Variants in MAGI1 observed in about 807,000 individuals in gnomAD.
MAGI1 encodes the protein membrane-associated guanylate kinase, WW and PDZ domain-containing protein 1.
In MAGI1, 58 loss-of-function variants were observed where a neutral mutation model predicts 139.9. That is an observed-to-expected ratio of 0.41 (90% CI 0.34 to 0.52). The LOEUF is 0.52. Ranked by LOEUF, MAGI1 falls within the 20% of genes least tolerant of loss-of-function variation. The probability of loss-of-function intolerance (pLI) is 0.12; values close to 1 mark genes in which losing one functional copy is unlikely to be tolerated. For missense variants in MAGI1, 1,874 were observed against 1,901.6 expected (o/e 0.99, Z 0.27); for synonymous variants, 812 against 737.9 (o/e 1.10, Z -1.63).
At chr3:65,735,992 C>A (rs1167879875) in intron 1 of MAGI1, among the ~76,000 whole-genome samples, 1 of 152,170 alleles carries the variant, frequency 6.6e-6, no homozygotes, top group Admixed American at 6.6e-5. Context: ...AGTGCCCGAG[C>A]AGCAATCTGA....
intron 2 of MAGI1, among the ~76,000 whole-genome samples, chr3:65,584,590 A>C (rs1386044182): frequency 6.6e-6 from 1 of 152,232 alleles, no homozygotes; most frequent in African/African-American, 2.4e-5. Context: ...ATATAAAAGC[A>C]GAAGGAAGGA....
intron 3 of MAGI1, among the ~76,000 whole-genome samples, chr3:65,486,291 TGCTGAAGGAAA>T (rs1951631807): frequency 6.6e-6 from 1 of 152,200 alleles, no homozygotes; most frequent in Non-Finnish European, 1.5e-5. Context: ...TGCACTTCTA[TGCTGAAGGAAA>T]ACCTTTGCAA....
At chr3:65,367,784 G>T (rs1941577196) in intron 18 of MAGI1, among the ~76,000 whole-genome samples, 1 of 152,142 alleles carries the variant, frequency 6.6e-6, no homozygotes, top group Admixed American at 6.5e-5. Flanking sequence ...TAGGAATCAT[G>T]TGTTGGTATT....
At chr3:65,979,792 T>C (rs1022611403) in intron 1 of MAGI1, among the ~76,000 whole-genome samples, 2 of 152,198 alleles carry the variant, frequency 1.3e-5, no homozygotes, top group African/African-American at 4.8e-5. Flanking sequence ...TCGGGCTGCA[T>C]AGCTCAGATG....
chr3:65,734,126 T>C (rs1271119902), intron 1 of MAGI1, among the ~76,000 whole-genome samples: 3 of 152,160 alleles, frequency 2.0e-5, no homozygotes, highest in Non-Finnish European at 2.9e-5. Context: ...ATATAGCAGA[T>C]GAGGATGCCA....
intron 1 of MAGI1, among the ~76,000 whole-genome samples, chr3:65,932,826 C>T (rs981917977): frequency 6.6e-6 from 1 of 152,206 alleles, no homozygotes; most frequent in African/African-American, 2.4e-5. Flanking sequence ...ACTTTGCCGT[C>T]TCTAGATAAT....
rs900423525 is a variant in MAGI1, at chr3:65,600,458, G to T, written c.430+21514C>A. On this transcript the variant is annotated intron_variant, in intron 2 of 22. Transcript: ENST00000402939. ...AAAAGAGTCCATGAAAATCTACTTG[G>T]TTTTTCTCAGAGGTGTAGTATCTTG... is the stretch of plus-strand genomic sequence containing the variant. 7.2e-5 allele frequency among the ~76,000 whole-genome samples: 11 copies of T among 152,282 alleles called. 1 individual carries two copies. Among genetic ancestry groups the T allele is most frequent in the Admixed American group, 4.6e-4 (7 of 15,304 alleles).
chr3:65,363,429 T>G, intron 21 of MAGI1, 36 bp downstream of exon 21: 1 of 1,568,550 alleles, frequency 6.4e-7, no homozygotes, highest in Non-Finnish European at 8.6e-7. Context: ...GCAGATGGTT[T>G]CTTTGCACCT....
At chr3:65,360,662 T>G in intron 22 of MAGI1, 6 of 986,750 alleles carry the variant, frequency 6.1e-6, no homozygotes, top group Non-Finnish European at 7.2e-6. Context: ...TCAGATGGTC[T>G]GATTTGGGGT....
chr3:65,825,010 C>T (rs932270911), intron 1 of MAGI1, among the ~76,000 whole-genome samples: 8 of 152,208 alleles, frequency 5.3e-5, no homozygotes, highest in African/African-American at 1.9e-4. Flanking sequence ...AAATGGCTTA[C>T]GGTAAAACAC....
intron 2 of MAGI1, among the ~76,000 whole-genome samples, chr3:65,546,548 C>G (rs1476666977): frequency 2.6e-5 from 4 of 152,126 alleles, no homozygotes; most frequent in African/African-American, 9.7e-5. Context: ...TTGAAAATGC[C>G]TCATTCAATG....
At chr3:65,754,955 TA>T (rs1559850985) in intron 1 of MAGI1, among the ~76,000 whole-genome samples, 2 of 149,550 alleles carry the variant, frequency 1.3e-5, no homozygotes, top group Admixed American at 1.3e-4. Context: ...TATTATTTTT[TA>T]AATTTTTTTT....
intron 1 of MAGI1, among the ~76,000 whole-genome samples, chr3:65,918,199 A>C (rs1454433004): frequency 6.6e-6 from 1 of 152,224 alleles, no homozygotes; most frequent in Non-Finnish European, 1.5e-5. Context: ...AGAATCAGTA[A>C]ACATGAATTC....
intron 2 of MAGI1, among the ~76,000 whole-genome samples, chr3:65,584,590 AGAAG>A (rs1168177520): frequency 1.3e-5 from 2 of 152,232 alleles, no homozygotes; most frequent in Non-Finnish European, 2.9e-5. Flanking sequence ...ATATAAAAGC[AGAAG>A]GAAGGAAGCA....
intron 1 of MAGI1, among the ~76,000 whole-genome samples, chr3:65,665,617 A>C (rs566027994): frequency 6.6e-6 from 1 of 152,308 alleles, no homozygotes; most frequent in Non-Finnish European, 1.5e-5. Flanking sequence ...CAGGAACCTA[A>C]TCCTGTATTT....
At chr3:65,448,164 ACT>A in intron 6 of MAGI1, 107 bp from the exon 7 acceptor site, 2 of 964,668 alleles carry the variant, frequency 2.1e-6, no homozygotes, top group Non-Finnish European at 3.4e-6. Flanking sequence ...CAAACACATC[ACT>A]CTAGTTCATC....
intron 22 of MAGI1, chr3:65,360,401 A>G (rs1362994947): frequency 1.0e-6 from 1 of 968,448 alleles, no homozygotes; most frequent in Non-Finnish European, 1.2e-6. Flanking sequence ...TAAATAGGAC[A>G]TAATTATTAT....
chr3:65,984,351 G>A (rs931230355), intron 1 of MAGI1, among the ~76,000 whole-genome samples: 3 of 151,920 alleles, frequency 2.0e-5, no homozygotes, highest in East Asian at 1.9e-4. Flanking sequence ...AGAAAGATGC[G>A]GTTTTGCATT....
intron 6 of MAGI1, among the ~76,000 whole-genome samples, chr3:65,451,325 T>C (rs1432560499): frequency 1.3e-5 from 2 of 152,188 alleles, no homozygotes; most frequent in Admixed American, 6.5e-5. Flanking sequence ...CCTATGGTAA[T>C]AAGTGCCTAA....
Sources: allele counts gnomAD v4.1 joint callset (sites outside exome capture counted in the v4.1 genomes callset), GRCh38; gene constraint gnomAD v4.1.1; transcripts MANE v1.5; gene names NCBI Gene and HGNC (gene_info 2026-07-23, HGNC 2026-07-21).